CSMD3: variants seen among roughly 807,000 people sequenced by gnomAD.
CSMD3 encodes CUB and Sushi multiple domains 3, also known as CUB and sushi domain-containing protein 3.
Under a neutral mutation model 435.2 loss-of-function variants are expected in CSMD3, and 177 were observed. The observed-to-expected ratio is 0.41, with a 90% CI of 0.36 to 0.46. The LOEUF is 0.46. Ranked by LOEUF, CSMD3 falls within the 20% of genes least tolerant of loss-of-function variation. The pLI is 0.34. For synonymous variants in CSMD3, 1,656 were observed against 1,520.5 expected (o/e 1.09, Z -2.07); for missense variants, 4,265 against 4,504.6 (o/e 0.95, Z 1.52).
At chr8:112,835,424 A>G (rs971937471) in intron 11 of CSMD3, among the ~76,000 whole-genome samples, 1 of 151,888 alleles carries the variant, frequency 6.6e-6, no homozygotes, top group Non-Finnish European at 1.5e-5. Flanking sequence ...TTATAAATGC[A>G]TTATTTTATT....
At chr8:112,228,046 A>AAT (rs534239095) in intron 70 of CSMD3, among the ~76,000 whole-genome samples, 53 of 151,498 alleles carry the variant, frequency 3.5e-4, no homozygotes, top group East Asian at 2.9e-3. Context: ...CGTCTCAAAA[A>AAT]ATATATATAT....
At chr8:112,942,192 A>G (rs567924401) in intron 9 of CSMD3, among the ~76,000 whole-genome samples, 8 of 149,912 alleles carry the variant, frequency 5.3e-5, no homozygotes, top group Admixed American at 2.7e-4. Flanking sequence ...TATAGTTGAA[A>G]TTTTACCTAG....
At position 112,662,955 on chromosome 8, in the gene CSMD3, C is replaced by A. The variant is rs542852512; in HGVS notation, c.2816+3322G>T. On this transcript the variant is annotated intron_variant, in intron 17 of 70. Transcript: ENST00000297405. ...ATCATCACTGGCCATCAGATAAATG[C>A]AAATCAAAACCACAACGAGATACCA... Among the ~76,000 whole-genome samples the A allele has an allele frequency of 3.9e-5, 6 of 152,078 alleles. No individual in the cohort carries two copies. In the East Asian group the frequency reaches 9.7e-4, roughly 24 times the overall value.
chr8:112,309,758 C>A (rs1361277344), intron 50 of CSMD3, among the ~76,000 whole-genome samples: 2 of 152,014 alleles, frequency 1.3e-5, no homozygotes, highest in African/African-American at 4.8e-5. Flanking sequence ...TTTACATATG[C>A]CTTTGAAAGC....
chr8:113,110,180 G>T (rs988553556), intron 4 of CSMD3, among the ~76,000 whole-genome samples: 3 of 152,076 alleles, frequency 2.0e-5, no homozygotes, highest in Non-Finnish European at 2.9e-5. Flanking sequence ...AGGGTCACCT[G>T]ACCACACCCT....
intron 28 of CSMD3, among the ~76,000 whole-genome samples, chr8:112,512,498 C>A (rs2130961512): frequency 6.6e-6 from 1 of 152,258 alleles, no homozygotes; most frequent in South Asian, 2.1e-4. Flanking sequence ...TGAAAATCAT[C>A]TTTTTTTCTG....
chr8:113,057,829 A>T (rs1269416799), intron 5 of CSMD3, among the ~76,000 whole-genome samples: 1 of 151,930 alleles, frequency 6.6e-6, no homozygotes, highest in Non-Finnish European at 1.5e-5. Flanking sequence ...TATGTAGGAT[A>T]TGAAAATAGA....
intron 63 of CSMD3, among the ~76,000 whole-genome samples, chr8:112,250,983 A>C (rs2130210003): frequency 6.6e-6 from 1 of 151,864 alleles, no homozygotes; most frequent in South Asian, 2.1e-4. Flanking sequence ...TATAGCAAAT[A>C]ATATAATAGA....
At chr8:112,674,209 G>C (rs2075721689) in intron 16 of CSMD3, among the ~76,000 whole-genome samples, 1 of 152,224 alleles carries the variant, frequency 6.6e-6, no homozygotes. Context: ...TCAGCACTTG[G>C]AGTAGAGAAG....
At chr8:112,443,037 CT>C (rs1291664970) in intron 32 of CSMD3, among the ~76,000 whole-genome samples, 1 of 152,174 alleles carries the variant, frequency 6.6e-6, no homozygotes, top group African/African-American at 2.4e-5. Context: ...ATATAATCCC[CT>C]TTTTCCTTTT....
intron 12 of CSMD3, among the ~76,000 whole-genome samples, chr8:112,805,594 T>G (rs2079066689): frequency 6.6e-6 from 1 of 152,202 alleles, no homozygotes; most frequent in African/African-American, 2.4e-5. Flanking sequence ...GTACAAGATC[T>G]TAAAGAAGAA....
At chr8:112,928,848 CTGAGGA>C (rs2083001119) in intron 9 of CSMD3, among the ~76,000 whole-genome samples, 1 of 148,114 alleles carries the variant, frequency 6.8e-6, no homozygotes, top group African/African-American at 2.5e-5. Flanking sequence ...TTCTAGATCC[CTGAGGA>C]ATCGCCACAC....
At chr8:112,802,621 C>A (rs1035348833) in intron 12 of CSMD3, among the ~76,000 whole-genome samples, 3 of 151,824 alleles carry the variant, frequency 2.0e-5, no homozygotes. Context: ...TTATGGAGAG[C>A]TTTTACTGAG....
chr8:112,429,538 A>G (rs1326144469), intron 32 of CSMD3, among the ~76,000 whole-genome samples: 1 of 152,064 alleles, frequency 6.6e-6, no homozygotes, highest in African/African-American at 2.4e-5. Context: ...ATGACCCCAG[A>G]GTGTGGCAGG....
At chr8:112,709,746 T>A (rs1240941007) in intron 13 of CSMD3, among the ~76,000 whole-genome samples, 3 of 152,034 alleles carry the variant, frequency 2.0e-5, no homozygotes, top group Non-Finnish European at 2.9e-5. Context: ...AACTCCTGTC[T>A]ATTAGAAAGT....
chr8:112,700,024 GTTTTA>G (rs1204412962), intron 13 of CSMD3, among the ~76,000 whole-genome samples: 1 of 152,062 alleles, frequency 6.6e-6, no homozygotes, highest in African/African-American at 2.4e-5. Flanking sequence ...GTTTGGAAGT[GTTTTA>G]TTTATGTTGA....
chr8:112,501,829 G>A (rs1489849622), intron 30 of CSMD3, among the ~76,000 whole-genome samples: 1 of 152,134 alleles, frequency 6.6e-6, no homozygotes, highest in South Asian at 2.1e-4. Flanking sequence ...TATTAACTTT[G>A]ATATAGCCAT....
chr8:112,670,738 T>C (rs1260618094), intron 16 of CSMD3, among the ~76,000 whole-genome samples: 1 of 152,034 alleles, frequency 6.6e-6, no homozygotes, highest in Non-Finnish European at 1.5e-5. Context: ...GAGTTTCATG[T>C]GGAAAGTTAA....
intron 45 of CSMD3, among the ~76,000 whole-genome samples, chr8:112,328,116 A>G (rs551903485): frequency 3.9e-5 from 6 of 152,274 alleles, no homozygotes; most frequent in African/African-American, 1.4e-4. Flanking sequence ...TTCCCTTATA[A>G]ACTCTAAGCT....
Sources: gnomAD v4.1 joint callset for allele counts (sites outside exome capture counted in the v4.1 genomes callset) on GRCh38, gnomAD v4.1.1 for gene constraint, MANE v1.5 for transcripts, NCBI Gene and HGNC (gene_info 2026-07-23, HGNC 2026-07-21) for gene names.